CPNE4: variants seen among roughly 807,000 people sequenced by gnomAD.
The protein encoded by CPNE4 is copine-4.
A neutral mutation model predicts 67.9 loss-of-function variants in CPNE4; 25 were observed. The ratio of observed to expected loss-of-function variants is 0.37; its 90% CI spans 0.27 to 0.51. The LOEUF (loss-of-function observed/expected upper bound fraction) is 0.51, where lower values mean the gene tolerates loss of function less well. Among genes scored for constraint, CPNE4 ranks in the 20% least tolerant of loss-of-function variants. CPNE4 has a pLI of 0.93. For synonymous variants in CPNE4, 242 were observed against 244.9 expected (o/e 0.99, Z 0.11); for missense variants, 464 against 690.8 (o/e 0.67, Z 3.68).
At chr3:131,806,559 A>G (rs895858452) in intron 2 of CPNE4, among the ~76,000 whole-genome samples, 1 of 152,020 alleles carries the variant, frequency 6.6e-6, no homozygotes, top group African/African-American at 2.4e-5. Context: ...CAAAAAAAAA[A>G]AAAAAAAAAA....
intron 1 of CPNE4, among the ~76,000 whole-genome samples, chr3:131,965,307 C>T (rs1183284739): frequency 6.6e-6 from 1 of 152,202 alleles, no homozygotes; most frequent in Non-Finnish European, 1.5e-5. Flanking sequence ...TATGAAGAAA[C>T]TGCATCAACT....
chr3:131,577,312 C>T (rs1018867317), intron 9 of CPNE4, among the ~76,000 whole-genome samples: 2 of 152,016 alleles, frequency 1.3e-5, no homozygotes, highest in Non-Finnish European at 2.9e-5. Flanking sequence ...CACACGTATA[C>T]ATATATACAA....
rs2083683762 is a variant in CPNE4 at position 131,790,324 on chromosome 3, A to G, written c.181-66699T>C. ...CACAGAGTTTTAGGAACACAGGGAC[A>G]TCTAAAAATTAACTAAGCTGCTTAG... On this transcript the variant is annotated intron_variant, in intron 2 of 15. Transcript: ENST00000429747. Among the ~76,000 whole-genome samples the G allele has an allele frequency of 2.0e-5, 3 of 152,254 alleles. No homozygotes were observed. In the South Asian group the frequency reaches 6.2e-4, roughly 32 times the overall value.
At chr3:131,724,550 C>A (rs1247717315) in intron 2 of CPNE4, among the ~76,000 whole-genome samples, 1 of 152,150 alleles carries the variant, frequency 6.6e-6, no homozygotes, top group East Asian at 1.9e-4. Flanking sequence ...TTGGAGTCAG[C>A]CAAATGGAGG....
At chr3:131,757,015 T>C (rs1252335713) in intron 2 of CPNE4, among the ~76,000 whole-genome samples, 1 of 152,208 alleles carries the variant, frequency 6.6e-6, no homozygotes, top group African/African-American at 2.4e-5. Context: ...CCCAGCCATG[T>C]GGAACTGTAA....
intron 2 of CPNE4, among the ~76,000 whole-genome samples, chr3:131,855,485 T>C (rs73203858): frequency 0.077 from 11,642 of 152,022 alleles, 586 homozygotes; most frequent in East Asian, 0.17. Context: ...AATTGTAAAG[T>C]AGTATAAAGT....
chr3:131,976,318 C>T (rs1487026251), intron 1 of CPNE4, among the ~76,000 whole-genome samples: 1 of 151,588 alleles, frequency 6.6e-6, no homozygotes, highest in Non-Finnish European at 1.5e-5. Flanking sequence ...AATAAGTTTG[C>T]TTCATATAAA....
intron 2 of CPNE4, among the ~76,000 whole-genome samples, chr3:131,796,148 CAG>C (rs1423689073): frequency 6.6e-6 from 1 of 151,920 alleles, no homozygotes; most frequent in African/African-American, 2.4e-5. Flanking sequence ...GAGGAGATGA[CAG>C]AGTTTTTTTT....
intron 2 of CPNE4, among the ~76,000 whole-genome samples, chr3:131,741,400 G>T (rs2082353087): frequency 6.6e-6 from 1 of 152,042 alleles, no homozygotes; most frequent in Non-Finnish European, 1.5e-5. Context: ...GCTGGGAAAG[G>T]ACTCTCAAAT....
upstream of CPNE4, among the ~76,000 whole-genome samples, chr3:132,039,114 G>A (rs957670151): frequency 6.6e-6 from 1 of 152,208 alleles, no homozygotes; most frequent in Non-Finnish European, 1.5e-5. Flanking sequence ...GGATAGTTCA[G>A]ATATAGAACA....
At chr3:131,704,820 TC>T (rs2081380090) in intron 3 of CPNE4, among the ~76,000 whole-genome samples, 2 of 152,194 alleles carry the variant, frequency 1.3e-5, no homozygotes, top group African/African-American at 4.8e-5. Context: ...ATTAAGGAGT[TC>T]ATCTAAGGTC....
intron 2 of CPNE4, among the ~76,000 whole-genome samples, chr3:131,786,259 T>C (rs1020360186): frequency 6.6e-6 from 1 of 152,292 alleles, no homozygotes; most frequent in African/African-American, 2.4e-5. Context: ...TTTATACATT[T>C]ATGTTGTCTA....
chr3:131,929,490 T>C (rs1281731804), intron 1 of CPNE4, among the ~76,000 whole-genome samples: 1 of 152,150 alleles, frequency 6.6e-6, no homozygotes, highest in African/African-American at 2.4e-5. Context: ...TTCTCTTTTG[T>C]TGGGAAATAC....
intron 1 of CPNE4, among the ~76,000 whole-genome samples, chr3:131,967,005 C>T (rs1399475022): frequency 1.3e-5 from 2 of 152,196 alleles, no homozygotes; most frequent in Admixed American, 6.5e-5. Context: ...TCCAGCAGCA[C>T]ATCAAAAAGC....
At chr3:131,819,048 G>A (rs966863417) in intron 2 of CPNE4, among the ~76,000 whole-genome samples, 3 of 152,082 alleles carry the variant, frequency 2.0e-5, no homozygotes, top group Non-Finnish European at 2.9e-5. Flanking sequence ...TGCAGTGAGC[G>A]AAGATTGTGC....
intron 2 of CPNE4, among the ~76,000 whole-genome samples, chr3:131,787,062 C>A (rs2107868956): frequency 6.6e-6 from 1 of 152,242 alleles, no homozygotes; most frequent in Non-Finnish European, 1.5e-5. Context: ...ATTTTAAATT[C>A]AAATTACTTG....
intron 7 of CPNE4, among the ~76,000 whole-genome samples, chr3:131,624,019 G>T (rs1335169848): frequency 6.6e-6 from 1 of 152,072 alleles, no homozygotes; most frequent in Non-Finnish European, 1.5e-5. Flanking sequence ...CTGCTCTTTG[G>T]CTCTGGAAGG....
intron 2 of CPNE4, among the ~76,000 whole-genome samples, chr3:131,736,890 A>T (rs1463857126): frequency 6.6e-6 from 1 of 152,152 alleles, no homozygotes; most frequent in Admixed American, 6.5e-5. Context: ...CTGATAAATA[A>T]ACAGGATTGG....
intron 1 of CPNE4, among the ~76,000 whole-genome samples, chr3:131,974,390 G>A (rs551710364): frequency 6.6e-6 from 1 of 152,198 alleles, no homozygotes; most frequent in Non-Finnish European, 1.5e-5. Context: ...CATACAATGT[G>A]CACATACACA....
Sources: gnomAD v4.1 joint callset for allele counts (sites outside exome capture counted in the v4.1 genomes callset) on GRCh38, gnomAD v4.1.1 for gene constraint, MANE v1.5 for transcripts, NCBI Gene and HGNC (gene_info 2026-07-23, HGNC 2026-07-21) for gene names.